Variants in DSCAM observed in about 807,000 individuals in gnomAD.
DSCAM encodes the protein DS cell adhesion molecule.
In DSCAM, 47 loss-of-function variants were observed where a neutral mutation model predicts 217.7. That is an observed-to-expected ratio of 0.22 (90% CI 0.17 to 0.28). DSCAM has a LOEUF of 0.28. DSCAM is among the 10% of genes least tolerant of loss of function. The pLI, the probability that DSCAM is intolerant of heterozygous loss-of-function variation, is 1.00. For missense variants in DSCAM, 2,080 were observed against 2,618.3 expected (o/e 0.79, Z 4.49); for synonymous variants, 1,056 against 1,015.3 (o/e 1.04, Z -0.76).
chr21:40,102,456 T>C (rs1258877048), intron 20 of DSCAM, among the ~76,000 whole-genome samples: 4 of 151,948 alleles, frequency 2.6e-5, no homozygotes, highest in East Asian at 1.9e-4. Context: ...AGGAACTAAA[T>C]GTGCACAGTT....
intron 8 of DSCAM, among the ~76,000 whole-genome samples, chr21:40,325,047 G>A (rs1420293666): frequency 6.6e-6 from 1 of 152,116 alleles, no homozygotes; most frequent in Non-Finnish European, 1.5e-5. Flanking sequence ...TACAAGGATT[G>A]TTAGTAATAG....
intron 11 of DSCAM, among the ~76,000 whole-genome samples, chr21:40,194,878 T>G (rs117904653): frequency 0.011 from 1,685 of 152,274 alleles, 19 homozygotes; most frequent in Middle Eastern, 0.027. Flanking sequence ...CCACTGAAAT[T>G]GGCGAGTGCT....
At chr21:40,369,310 A>G in intron 3 of DSCAM, 65 bp from the exon 4 acceptor site, 1 of 1,522,946 alleles carries the variant, frequency 6.6e-7, no homozygotes, top group East Asian at 2.3e-5. Flanking sequence ...ACACAGACAA[A>G]GTCCTTAAAC....
chr21:40,515,213 T>C (rs913346277), intron 3 of DSCAM, among the ~76,000 whole-genome samples: 5 of 152,194 alleles, frequency 3.3e-5, no homozygotes, highest in Non-Finnish European at 5.9e-5. Flanking sequence ...TGCACACTGC[T>C]CCTTTTCCTT....
At chr21:40,133,127 T>C (rs931200825) in intron 19 of DSCAM, among the ~76,000 whole-genome samples, 2 of 152,222 alleles carry the variant, frequency 1.3e-5, no homozygotes, top group Non-Finnish European at 2.9e-5. Flanking sequence ...GGAGGCTACT[T>C]TTCTCACTAC....
intron 3 of DSCAM, among the ~76,000 whole-genome samples, chr21:40,544,216 G>A (rs1031725385): frequency 3.3e-5 from 5 of 152,094 alleles, no homozygotes; most frequent in Non-Finnish European, 7.4e-5. Context: ...CCTTGGTCAC[G>A]GAGTAGAACA....
chr21:40,689,666 A>T (rs1312608023), intron 3 of DSCAM, among the ~76,000 whole-genome samples: 1 of 152,250 alleles, frequency 6.6e-6, no homozygotes, highest in Non-Finnish European at 1.5e-5. Flanking sequence ...TGCTTCCTGG[A>T]ACAAACTTCC....
chr21:40,191,593 A>C (rs1252571945), intron 11 of DSCAM, among the ~76,000 whole-genome samples: 1 of 152,204 alleles, frequency 6.6e-6, no homozygotes, highest in African/African-American at 2.4e-5. Flanking sequence ...TCAGTTGTAC[A>C]CTTAATATTG....
intron 3 of DSCAM, among the ~76,000 whole-genome samples, chr21:40,554,752 T>C (rs761081152): frequency 3.3e-5 from 5 of 152,328 alleles, no homozygotes; most frequent in Admixed American, 6.5e-5. Flanking sequence ...AAATATAAAA[T>C]GGATTTTGGT....
chr21:40,780,022 C>T (rs959837656), intron 1 of DSCAM, among the ~76,000 whole-genome samples: 2 of 152,238 alleles, frequency 1.3e-5, no homozygotes, highest in African/African-American at 4.8e-5. Flanking sequence ...GTAGGAATCT[C>T]ACCTTTACAA....
Position 40,215,054 on chromosome 21 carries a change from C to T in DSCAM, c.2357-25816G>A, listed in dbSNP as rs550509980. On this transcript the variant is annotated intron_variant, in intron 11 of 32. Transcript: ENST00000400454. ...CTAACAAGGTGAAACCCCGTCTCTACTAAAAGTACAAAAAATTAGCCGGGC... is the reference window on the plus strand; with the variant it reads ...CTAACAAGGTGAAACCCCGTCTCTATTAAAAGTACAAAAAATTAGCCGGGC... 4.4e-5 allele frequency among the ~76,000 whole-genome samples: 4 copies of T among 91,462 alleles called. 1 individual carries two copies. The South Asian group carries it at 1.6e-3, about 37-fold the overall frequency. The allele number at this position is 91,462 out of a possible 152,430, so 60.0% of individuals were successfully genotyped here.
chr21:40,643,118 T>C (rs2089903411), intron 3 of DSCAM, among the ~76,000 whole-genome samples: 1 of 152,158 alleles, frequency 6.6e-6, no homozygotes, highest in African/African-American at 2.4e-5. Flanking sequence ...GAGATTAATA[T>C]GATAAAATTC....
chr21:40,018,606 T>C (rs1185693914), intron 32 of DSCAM, among the ~76,000 whole-genome samples: 2 of 152,168 alleles, frequency 1.3e-5, no homozygotes, highest in East Asian at 1.9e-4. Context: ...GTAATAGCAT[T>C]GTGGTCCCGG....
At chr21:40,411,424 C>T (rs1236650779) in intron 3 of DSCAM, among the ~76,000 whole-genome samples, 1 of 152,142 alleles carries the variant, frequency 6.6e-6, no homozygotes, top group Non-Finnish European at 1.5e-5. Flanking sequence ...TGAAACCCAA[C>T]ATTGTCAATA....
At chr21:40,394,229 A>G (rs938077483) in intron 3 of DSCAM, among the ~76,000 whole-genome samples, 4 of 152,210 alleles carry the variant, frequency 2.6e-5, no homozygotes, top group African/African-American at 9.7e-5. Context: ...AATGATCTTT[A>G]TTGCTTACTA....
Position 40,062,883 on chromosome 21 carries a change from A to G in DSCAM, c.4905T>C (p.Ala1635=), listed in dbSNP as rs775493319. The change falls in exon 28 of 33, where the codon GCT becomes GCC. Residue 1635 remains alanine (A), a synonymous_variant. Coordinates refer to ENST00000400454, the MANE Select transcript of DSCAM (RefSeq NM_001389.5). ...CTTGTTCTTACCTCATGAGCATTTC[A>G]GCTAAACTCTTTGCATCTGGGGAAA... ...LKRLRDAKSL[A]EMLMSKNTRT... 10 of 1,598,184 alleles carry G rather than the reference A, an allele frequency of 6.3e-6. No homozygotes were observed. The South Asian group carries it at 1.1e-4, about 18-fold the overall frequency.
At chr21:40,286,704 G>T (rs540708437) in intron 10 of DSCAM, among the ~76,000 whole-genome samples, 6 of 152,240 alleles carry the variant, frequency 3.9e-5, no homozygotes, top group African/African-American at 1.4e-4. Flanking sequence ...AGTGTGATCT[G>T]CAGTGTCATC....
chr21:40,600,997 T>C lies in DSCAM; in HGVS notation c.508+91813A>G, dbSNP rs574433436. ...CTCATGGTTCTTCTACAGTATCTCCTTGCCTATTCTAGGTCTTTTAGCTTT... is the reference window on the plus strand; with the variant it reads ...CTCATGGTTCTTCTACAGTATCTCCCTGCCTATTCTAGGTCTTTTAGCTTT... On this transcript the variant is annotated intron_variant, in intron 3 of 32. Coordinates refer to ENST00000400454, the MANE Select transcript of DSCAM (RefSeq NM_001389.5). 2.6e-5 allele frequency among the ~76,000 whole-genome samples: 4 copies of C among 152,346 alleles called. No individual in the cohort carries two copies. The East Asian group carries it at 7.7e-4, about 29-fold the overall frequency.
At chr21:40,530,026 C>T (rs2076430883) in intron 3 of DSCAM, among the ~76,000 whole-genome samples, 1 of 152,078 alleles carries the variant, frequency 6.6e-6, no homozygotes, top group South Asian at 2.1e-4. Context: ...TCAAGAGATG[C>T]CTTAACATGA....
Sources: allele counts gnomAD v4.1 joint callset (sites outside exome capture counted in the v4.1 genomes callset), GRCh38; gene constraint gnomAD v4.1.1; transcripts MANE v1.5; gene names NCBI Gene and HGNC (gene_info 2026-07-23, HGNC 2026-07-21).